The following FIGN variants were observed in gnomAD, a reference collection of about 807,000 sequenced individuals.
FIGN encodes the protein fidgetin.
FIGN carries 11 observed loss-of-function variants against 51.3 expected under a neutral mutation model. That is an observed-to-expected ratio of 0.21 (90% CI 0.13 to 0.35). The LOEUF (loss-of-function observed/expected upper bound fraction) is 0.35. Ranked by LOEUF, FIGN falls within the 10% of genes least tolerant of loss-of-function variation. The probability of loss-of-function intolerance (pLI) is 1.00; values close to 1 mark genes in which losing one functional copy is unlikely to be tolerated. For synonymous variants in FIGN, 407 were observed against 363.2 expected, an observed-to-expected ratio of 1.12 and a Z score of -1.37; for missense variants, 857 against 943.6, an observed-to-expected ratio of 0.91 and a Z score of 1.20.
Position 163,603,825 on chromosome 2 carries a change from C to G in FIGN, c.*5727G>C, listed in dbSNP as rs1423745879. The G allele has an allele frequency of 6.6e-6, 1 of 151,994 alleles. No homozygotes were observed. Among genetic ancestry groups the G allele is most frequent in the African/African-American group, 2.4e-5 (1 of 41,408 alleles). 9.4% of individuals were successfully genotyped at this position (151,994 alleles called of 1,614,324 possible). A position where few individuals can be genotyped will look rare whatever the true frequency, so the allele number is the denominator to read the frequency against. ...TTTTTTAAAACTAAGTGTTCTTTTG[C>G]TACTGTAATATAGAGCTGGTGAAGA... is the stretch of plus-strand genomic sequence containing the variant. On this transcript the variant is annotated 3_prime_UTR_variant, in exon 3 of 3. Transcript: ENST00000333129.
At chr2:163,673,341 C>A (rs1480725598) in intron 2 of FIGN, among the ~76,000 whole-genome samples, 2 of 152,088 alleles carry the variant, frequency 1.3e-5, no homozygotes, top group Non-Finnish European at 2.9e-5. Flanking sequence ...TAAGTTGAAT[C>A]TGACAGCTGA....
intron 2 of FIGN, among the ~76,000 whole-genome samples, chr2:163,628,246 G>A (rs2105309041): frequency 7.4e-6 from 1 of 134,670 alleles, no homozygotes; most frequent in Non-Finnish European, 1.6e-5. Context: ...AATAGAGAGA[G>A]GTGGCTATAC....
chr2:163,659,421 AAGGGCAGTGCCATGG>A (rs755918132), intron 2 of FIGN, among the ~76,000 whole-genome samples: 136 of 151,774 alleles, frequency 9.0e-4, no homozygotes, highest in Non-Finnish European at 1.4e-3. Context: ...ATGAATCACC[AAGGGCAGTGCCATGG>A]TGATCAAACC....
chr2:163,621,505 G>GT (rs1682972039), intron 2 of FIGN, among the ~76,000 whole-genome samples: 1 of 152,224 alleles, frequency 6.6e-6, no homozygotes, highest in Admixed American at 6.5e-5. Context: ...GTTACGTGTT[G>GT]TTTTTTTCCA....
chr2:163,643,730 G>T (rs1282819839), intron 2 of FIGN, among the ~76,000 whole-genome samples: 1 of 150,994 alleles, frequency 6.6e-6, no homozygotes, highest in Non-Finnish European at 1.5e-5. Flanking sequence ...GAGGCGGGTG[G>T]ATCACCTGAA....
At chr2:163,723,633 T>C (rs944616106) in intron 2 of FIGN, among the ~76,000 whole-genome samples, 2 of 152,208 alleles carry the variant, frequency 1.3e-5, no homozygotes, top group African/African-American at 4.8e-5. Context: ...CAAAGACTAG[T>C]TGCTGATAAA....
chr2:163,715,251 G>C (rs1434814874), intron 2 of FIGN, among the ~76,000 whole-genome samples: 1 of 152,190 alleles, frequency 6.6e-6, no homozygotes. Context: ...CAGTACTCGA[G>C]CTCACCAGTG....
At chr2:163,626,783 C>G (rs1683061117) in intron 2 of FIGN, among the ~76,000 whole-genome samples, 2 of 152,064 alleles carry the variant, frequency 1.3e-5, no homozygotes, top group Admixed American at 1.3e-4. Context: ...AAAGACCTGG[C>G]TGATAAAACA....
chr2:163,612,795 G>C (rs1229375452), intron 2 of FIGN, among the ~76,000 whole-genome samples: 2 of 150,472 alleles, frequency 1.3e-5, no homozygotes, highest in Non-Finnish European at 3.0e-5. Context: ...AAGAGAGAGA[G>C]AGAGAGAGAA....
chr2:163,706,284 A>G (rs1390217212), intron 2 of FIGN, among the ~76,000 whole-genome samples: 1 of 152,168 alleles, frequency 6.6e-6, no homozygotes, highest in East Asian at 1.9e-4. Flanking sequence ...TTAGAGAACT[A>G]TATTTTAATT....
chr2:163,612,413 T>C (rs1347077897), intron 2 of FIGN: 7 of 985,236 alleles, frequency 7.1e-6, no homozygotes, highest in East Asian at 1.1e-4. Context: ...AGCAGGTCAT[T>C]CCATAATCCA....
intron 2 of FIGN, among the ~76,000 whole-genome samples, chr2:163,641,281 G>A (rs572055182): frequency 6.6e-6 from 1 of 152,300 alleles, no homozygotes; most frequent in South Asian, 2.1e-4. Context: ...AAAGAAAAGA[G>A]AGTGTCCAGA....
chr2:163,697,410 T>C (rs1684339490), intron 2 of FIGN, among the ~76,000 whole-genome samples: 2 of 152,118 alleles, frequency 1.3e-5, no homozygotes, highest in Non-Finnish European at 2.9e-5. Flanking sequence ...CTCTGTGTCA[T>C]GATTACTTAT....
chr2:163,630,569 T>C (rs1280914320), intron 2 of FIGN, among the ~76,000 whole-genome samples: 1 of 151,062 alleles, frequency 6.6e-6, no homozygotes, highest in Non-Finnish European at 1.5e-5. Context: ...CAAGCCACAG[T>C]GGACAACCTT....
At chr2:163,667,855 G>A (rs996161693) in intron 2 of FIGN, among the ~76,000 whole-genome samples, 7 of 152,162 alleles carry the variant, frequency 4.6e-5, no homozygotes, top group Non-Finnish European at 4.4e-5. Flanking sequence ...GGCAGGAACT[G>A]CATCTTCATC....
intron 2 of FIGN, among the ~76,000 whole-genome samples, chr2:163,614,128 C>T (rs1388032754): frequency 6.6e-6 from 1 of 151,996 alleles, no homozygotes; most frequent in Non-Finnish European, 1.5e-5. Context: ...CTCAGAGAAA[C>T]TCTGAGGATG....
chr2:163,711,836 T>C (rs533724915), intron 2 of FIGN, among the ~76,000 whole-genome samples: 1 of 152,212 alleles, frequency 6.6e-6, no homozygotes, highest in South Asian at 2.1e-4. Flanking sequence ...AGGAAATGCA[T>C]ATTTAGAAAA....
intron 2 of FIGN, among the ~76,000 whole-genome samples, chr2:163,626,717 G>T (rs892391126): frequency 6.6e-6 from 1 of 152,082 alleles, no homozygotes; most frequent in African/African-American, 2.4e-5. Context: ...TTCCCAGGAG[G>T]TTAGGCATTC....
intron 1 of FIGN, 95 bp from the exon 2 acceptor site, chr2:163,735,167 G>C (rs1684994998): frequency 1.9e-6 from 1 of 512,952 alleles, no homozygotes; most frequent in African/African-American, 2.0e-5. Flanking sequence ...ACATGACCAG[G>C]AATGCAAGTC....
Sources: gnomAD v4.1 joint callset for allele counts (sites outside exome capture counted in the v4.1 genomes callset) on GRCh38, gnomAD v4.1.1 for gene constraint, MANE v1.5 for transcripts, NCBI Gene and HGNC (gene_info 2026-07-23, HGNC 2026-07-21) for gene names.